Variants in ZDHHC14 observed in about 807,000 individuals in gnomAD.
The protein encoded by ZDHHC14 is palmitoyltransferase ZDHHC14.
A neutral mutation model predicts 47.7 loss-of-function variants in ZDHHC14; 16 were observed. The observed-to-expected ratio is 0.34, with a 90% confidence interval of 0.23 to 0.51. The LOEUF (loss-of-function observed/expected upper bound fraction) is 0.51. Among genes scored for constraint, ZDHHC14 ranks in the 20% least tolerant of loss-of-function variants. ZDHHC14 has a pLI of 0.97. For synonymous variants in ZDHHC14, 293 were observed against 278.9 expected (o/e 1.05, Z -0.50); for missense variants, 515 against 662.5 (o/e 0.78, Z 2.44).
chr6:157,580,523 T>G (rs1311234049), intron 2 of ZDHHC14, among the ~76,000 whole-genome samples: 2 of 152,180 alleles, frequency 1.3e-5, no homozygotes, highest in African/African-American at 4.8e-5. Flanking sequence ...GGTCCTGGGC[T>G]TTTCTTGGTT....
chr6:157,656,810 C>T (rs527806224), intron 8 of ZDHHC14, among the ~76,000 whole-genome samples: 5 of 151,934 alleles, frequency 3.3e-5, no homozygotes, highest in Admixed American at 1.3e-4. Flanking sequence ...GAGCTGCATG[C>T]GACATCACCA....
chr6:157,564,752 A>G (rs1429459589), intron 2 of ZDHHC14, among the ~76,000 whole-genome samples: 1 of 152,216 alleles, frequency 6.6e-6, no homozygotes, highest in Non-Finnish European at 1.5e-5. Context: ...AAGGAGGACA[A>G]AATCAATACT....
chr6:157,592,803 C>T, intron 2 of ZDHHC14, 185 bp from the exon 3 acceptor site: 1 of 1,413,488 alleles, frequency 7.1e-7, no homozygotes, highest in South Asian at 1.7e-5. Context: ...ACGTGTGCAA[C>T]GAAGGAGGCC....
chr6:157,573,323 C>T (rs565705681), intron 2 of ZDHHC14, among the ~76,000 whole-genome samples: 76 of 152,236 alleles, frequency 5.0e-4, no homozygotes, highest in African/African-American at 1.6e-3. Context: ...GCATCCACGC[C>T]GGTTCCATCT....
At chr6:157,562,577 C>T (rs1782751591) in intron 2 of ZDHHC14, among the ~76,000 whole-genome samples, 1 of 152,104 alleles carries the variant, frequency 6.6e-6, no homozygotes, top group South Asian at 2.1e-4. Flanking sequence ...GGAGGGGACC[C>T]TAAGCTGCTG....
At chr6:157,471,356 C>T (rs900151035) in intron 1 of ZDHHC14, among the ~76,000 whole-genome samples, 2 of 152,152 alleles carry the variant, frequency 1.3e-5, no homozygotes, top group Admixed American at 6.5e-5. Flanking sequence ...AGGCCTGCAG[C>T]GTTCACATTT....
intron 1 of ZDHHC14, among the ~76,000 whole-genome samples, chr6:157,384,503 A>G (rs1474112403): frequency 6.6e-6 from 1 of 152,222 alleles, no homozygotes; most frequent in Non-Finnish European, 1.5e-5. Flanking sequence ...TATTTGCAGC[A>G]TCTTTTTTAT....
At chr6:157,537,523 A>G (rs1246763185) in intron 1 of ZDHHC14, among the ~76,000 whole-genome samples, 1 of 152,204 alleles carries the variant, frequency 6.6e-6, no homozygotes, top group African/African-American at 2.4e-5. Flanking sequence ...CTTTTATGTT[A>G]TGAAGATGTA....
chr6:157,615,787 T>TTTTTGTTTTGTTTTGTTTTG (rs66704112), intron 3 of ZDHHC14, among the ~76,000 whole-genome samples: 20 of 151,454 alleles, frequency 1.3e-4, no homozygotes, highest in South Asian at 1.0e-3. Flanking sequence ...GCTGACTGCA[T>TTTTTGTTTTGTTTTGTTTTG]TTTTGTTTTG....
At chr6:157,500,735 G>A (rs757534608) in intron 1 of ZDHHC14, among the ~76,000 whole-genome samples, 3 of 152,186 alleles carry the variant, frequency 2.0e-5, no homozygotes, top group African/African-American at 7.2e-5. Context: ...GGTGGAATCC[G>A]TGGCCCTTTC....
intron 1 of ZDHHC14, among the ~76,000 whole-genome samples, chr6:157,541,789 G>GC (rs5881215): frequency 0.4 from 60,244 of 151,926 alleles, 12,100 homozygotes; most frequent in Admixed American, 0.45. Context: ...TCCCAGGCTG[G>GC]CTCGTGTAGA....
At chr6:157,429,919 A>G (rs1417707757) in intron 1 of ZDHHC14, among the ~76,000 whole-genome samples, 1 of 152,184 alleles carries the variant, frequency 6.6e-6, no homozygotes, top group Non-Finnish European at 1.5e-5. Context: ...GGAGGGAAGG[A>G]GAATGGCTAA....
chr6:157,638,283 C>A lies in ZDHHC14; in HGVS notation c.752+5401C>A, dbSNP rs144970324. 9.6e-3 allele frequency among the ~76,000 whole-genome samples: 1,459 copies of A among 152,278 alleles called. 25 individuals are homozygous for A. The highest frequency in any genetic ancestry group is 0.033 in the African/African-American group (1,384 of 41,544). On this transcript the variant is annotated intron_variant, in intron 5 of 8. Transcript: ENST00000359775. ...GCACTTCTGGCTCAGAGTCCATAGT[C>A]GGTTCTCCCTCCCTCCGTCCTCCTC... is the stretch of plus-strand genomic sequence containing the variant.
intron 1 of ZDHHC14, among the ~76,000 whole-genome samples, chr6:157,431,644 A>G (rs1443861531): frequency 1.3e-5 from 2 of 152,000 alleles, no homozygotes; most frequent in African/African-American, 4.8e-5. Context: ...TCCTTAGGAA[A>G]TTTGATCTGA....
chr6:157,385,521 G>A (rs765859967), intron 1 of ZDHHC14, among the ~76,000 whole-genome samples: 2 of 152,222 alleles, frequency 1.3e-5, no homozygotes, highest in Non-Finnish European at 2.9e-5. Flanking sequence ...GCCCTCCCCT[G>A]TCTGCAATTC....
At chr6:157,451,858 C>A (rs1778811436) in intron 1 of ZDHHC14, among the ~76,000 whole-genome samples, 1 of 152,182 alleles carries the variant, frequency 6.6e-6, no homozygotes, top group African/African-American at 2.4e-5. Context: ...CTGCGCTCAG[C>A]ATCTTGAATA....
At chr6:157,404,633 G>A (rs1049570057) in intron 1 of ZDHHC14, among the ~76,000 whole-genome samples, 11 of 152,124 alleles carry the variant, frequency 7.2e-5, no homozygotes, top group African/African-American at 2.2e-4. Flanking sequence ...GCTGTTGACC[G>A]TTTCCTAGCA....
At chr6:157,491,695 G>A (rs903244184) in intron 1 of ZDHHC14, among the ~76,000 whole-genome samples, 3 of 152,162 alleles carry the variant, frequency 2.0e-5, no homozygotes, top group Non-Finnish European at 2.9e-5. Flanking sequence ...GCCTGGGGCC[G>A]TCATTTGGCT....
chr6:157,490,930 C>G (rs1349179655), intron 1 of ZDHHC14, among the ~76,000 whole-genome samples: 3 of 151,968 alleles, frequency 2.0e-5, no homozygotes, highest in Non-Finnish European at 4.4e-5. Context: ...GATAAGTATC[C>G]CTATTTTGCA....
Sources: gnomAD v4.1 joint callset for allele counts (sites outside exome capture counted in the v4.1 genomes callset) on GRCh38, gnomAD v4.1.1 for gene constraint, MANE v1.5 for transcripts, NCBI Gene and HGNC (gene_info 2026-07-23, HGNC 2026-07-21) for gene names.